FYB2: variants seen among roughly 807,000 people sequenced by gnomAD.
The protein encoded by FYB2 is FYN-binding protein 2.
Under a neutral mutation model 94.1 loss-of-function variants are expected in FYB2, and 103 were observed. That is an observed-to-expected ratio of 1.09 (90% CI 0.93 to 1.29). FYB2 has a LOEUF of 1.29. Ranked by LOEUF, FYB2 falls within the 50% of genes most tolerant of loss-of-function variation. FYB2 has a pLI of 0.00. For synonymous variants in FYB2, 293 were observed against 287.9 expected, an observed-to-expected ratio of 1.02 and a Z score of -0.18; for missense variants, 896 against 841.5, an observed-to-expected ratio of 1.06 and a Z score of -0.80.
intron 1 of FYB2, among the ~76,000 whole-genome samples, chr1:56,811,636 ATGT>A (rs1369749706): frequency 1.3e-5 from 2 of 152,222 alleles, no homozygotes; most frequent in African/African-American, 4.8e-5. Context: ...AACAAGAGAA[ATGT>A]ATTGCCTTAC....
At chr1:56,761,458 T>C (rs1247793116) in intron 5 of FYB2, among the ~76,000 whole-genome samples, 1 of 152,174 alleles carries the variant, frequency 6.6e-6, no homozygotes, top group African/African-American at 2.4e-5. Flanking sequence ...AAATGGAATG[T>C]TATGCAGAAG....
At chr1:56,807,664 T>C (rs907534925) in intron 1 of FYB2, among the ~76,000 whole-genome samples, 4 of 152,202 alleles carry the variant, frequency 2.6e-5, no homozygotes, top group Non-Finnish European at 5.9e-5. Flanking sequence ...ACTTCAGAGA[T>C]AGAACCTCAG....
chr1:56,793,542 A>G (rs1194157261), intron 1 of FYB2, among the ~76,000 whole-genome samples: 1 of 152,178 alleles, frequency 6.6e-6, no homozygotes, highest in Non-Finnish European at 1.5e-5. Context: ...ACATGGACAT[A>G]AAGATGAAAA....
intron 1 of FYB2, 112 bp from the exon 2 acceptor site, chr1:56,792,915 A>C: frequency 3.9e-5 from 44 of 1,115,862 alleles, no homozygotes; most frequent in Non-Finnish European, 4.9e-5. Context: ...ATTAGATCTC[A>C]CTGATCTCAC....
chr1:56,781,953 T>C (rs1646018789), intron 4 of FYB2, among the ~76,000 whole-genome samples: 1 of 152,174 alleles, frequency 6.6e-6, no homozygotes, highest in Non-Finnish European at 1.5e-5. Context: ...CTTATTCAGT[T>C]CTCAACTCAA....
At chr1:56,733,737 T>C (rs968833196) in intron 15 of FYB2, among the ~76,000 whole-genome samples, 4 of 152,316 alleles carry the variant, frequency 2.6e-5, no homozygotes, top group African/African-American at 7.2e-5. Flanking sequence ...ATGAGTTTCT[T>C]AATCCTGAGT....
intron 3 of FYB2, 120 bp from the exon 4 acceptor site, chr1:56,787,328 C>G (rs1570150351): frequency 8.1e-7 from 1 of 1,227,870 alleles, no homozygotes. Flanking sequence ...TTGCCTGTGC[C>G]TGAAACATCC....
chr1:56,804,570 C>T (rs1018872950), intron 1 of FYB2, among the ~76,000 whole-genome samples: 2 of 151,836 alleles, frequency 1.3e-5, no homozygotes, highest in Non-Finnish European at 1.5e-5. Context: ...ACTAAAAATA[C>T]AAAACAAAAA....
intron 1 of FYB2, among the ~76,000 whole-genome samples, chr1:56,802,533 G>A (rs1054008961): frequency 1.3e-5 from 2 of 152,178 alleles, no homozygotes; most frequent in Non-Finnish European, 2.9e-5. Context: ...TAGGCTAAAG[G>A]AACAGCATAG....
At chr1:56,746,345 T>C (rs1645066831) in intron 9 of FYB2, among the ~76,000 whole-genome samples, 1 of 152,008 alleles carries the variant, frequency 6.6e-6, no homozygotes, top group Non-Finnish European at 1.5e-5. Context: ...AATTTTTATC[T>C]ATTATCTTAG....
At chr1:56,756,148 C>T (rs1050151786) in intron 6 of FYB2, among the ~76,000 whole-genome samples, 1 of 152,040 alleles carries the variant, frequency 6.6e-6, no homozygotes, top group African/African-American at 2.4e-5. Flanking sequence ...ATAGGTCATG[C>T]CCAAAGGAAT....
chr1:56,793,224 T>C (rs1401389839), intron 1 of FYB2, among the ~76,000 whole-genome samples: 2 of 152,194 alleles, frequency 1.3e-5, no homozygotes, highest in African/African-American at 4.8e-5. Context: ...GGTGGAATTA[T>C]GATCTCCAAC....
chr1:56,730,281 A>G (rs1458317433), intron 15 of FYB2, among the ~76,000 whole-genome samples: 1 of 143,482 alleles, frequency 7.0e-6, no homozygotes, highest in South Asian at 2.5e-4. Flanking sequence ...CATTACCTAG[A>G]CTAGAGAGAG....
chr1:56,809,582 T>C (rs185184766), intron 1 of FYB2, among the ~76,000 whole-genome samples: 1 of 152,326 alleles, frequency 6.6e-6, no homozygotes, highest in East Asian at 1.9e-4. Flanking sequence ...TTTGTTTTAC[T>C]TGACTCAACC....
At chr1:56,787,264 T>A in intron 3 of FYB2, 56 bp from the exon 4 acceptor site, 1 of 1,591,218 alleles carries the variant, frequency 6.3e-7, no homozygotes. Context: ...CTGGTTAAAG[T>A]GAATGATGCT....
rs1214570309 is a variant in FYB2 at position 56,792,250 on chromosome 1, G to T, written c.563C>A (p.Thr188Lys). 6.2e-7 allele frequency: 1 copy of T among 1,612,300 alleles called. No homozygotes were observed. The highest frequency in any genetic ancestry group is 8.5e-7 in the Non-Finnish European group (1 of 1,179,580). ...GGAAGGAAGAGTCTGGGCTCCTTTT[G>T]TTTCCAGCTTTTTCCTGGGTTCCTC... ...TPEEPRKKLE[T>K]KGAQTLPSQK... Residue 188 changes from threonine to lysine, a missense_variant, in exon 2 of 20, where the codon ACA (threonine) becomes AAA (lysine). Coordinates refer to ENST00000343433, the MANE Select transcript of FYB2 (RefSeq NM_001004303.5).
chr1:56,732,675 T>C (rs940416902), intron 15 of FYB2, among the ~76,000 whole-genome samples: 1 of 152,036 alleles, frequency 6.6e-6, no homozygotes, highest in African/African-American at 2.4e-5. Context: ...AATTAATCCA[T>C]GTATCTACAG....
At chr1:56,738,389 G>A (rs112685287) in intron 14 of FYB2, among the ~76,000 whole-genome samples, 35 of 152,106 alleles carry the variant, frequency 2.3e-4, no homozygotes, top group African/African-American at 8.4e-4. Flanking sequence ...TATTTTTCTG[G>A]GATTTTAAGA....
chr1:56,738,775 T>A, intron 13 of FYB2, 122 bp from the exon 14 acceptor site: 1 of 947,188 alleles, frequency 1.1e-6, no homozygotes. Context: ...TGGTATTCTC[T>A]GACTCCAAGT....
Sources: gnomAD v4.1 joint callset for allele counts (sites outside exome capture counted in the v4.1 genomes callset) on GRCh38, gnomAD v4.1.1 for gene constraint, MANE v1.5 for transcripts, NCBI Gene and HGNC (gene_info 2026-07-23, HGNC 2026-07-21) for gene names.